Variants in RFX2 observed in about 807,000 individuals in gnomAD.
RFX2 encodes DNA-binding protein RFX2.
RFX2 carries 20 observed loss-of-function variants against 87.8 expected under a neutral mutation model. The ratio of observed to expected loss-of-function variants is 0.23; its 90% CI spans 0.16 to 0.33. RFX2 has a LOEUF of 0.33. Among genes scored for constraint, RFX2 ranks in the 10% least tolerant of loss-of-function variants. The probability of loss-of-function intolerance (pLI) is 1.00; values close to 1 mark genes in which losing one functional copy is unlikely to be tolerated. For synonymous variants in RFX2, 397 were observed against 431.3 expected (o/e 0.92, Z 0.98); for missense variants, 767 against 1,012.3 (o/e 0.76, Z 3.29).
rs1323854114 is a variant in RFX2, at chr19:5,999,496, C to T, written c.1860-2283G>A. Among the ~76,000 whole-genome samples, 1 of 152,144 alleles carries T rather than the reference C, an allele frequency of 6.6e-6. No homozygotes were observed. Among genetic ancestry groups the T allele is most frequent in the Non-Finnish European group, 1.5e-5 (1 of 68,032 alleles). ...CGCTGTCTCTTCCCTTGCTCTTCCT[C>T]CCTCATTATCCCAGTGTGGCTTTAT... On this transcript the variant is annotated intron_variant, in intron 15 of 17. Transcript: ENST00000303657. The surrounding 1 kb of genome is among the most constrained non-coding windows in gnomAD (Gnocchi z 4.1).
rs1335790076 is a variant in RFX2 at position 6,063,846 on chromosome 19, C to A, written c.-8-16342G>T. On this transcript the variant is annotated intron_variant, in intron 1 of 17. Transcript: ENST00000303657. The surrounding 1 kb of genome is among the most constrained non-coding windows in gnomAD (Gnocchi z 4.0). ...CCCCCCGACCCCTGTCTGACAGCCA[C>A]AAATGTCTCCAGACATCGCCCAGTG... is the stretch of plus-strand genomic sequence containing the variant. 6.6e-6 allele frequency among the ~76,000 whole-genome samples: 1 copy of A among 152,242 alleles called. No individual in the cohort carries two copies. The highest frequency in any genetic ancestry group is 2.4e-5 in the African/African-American group (1 of 41,470).
Position 6,004,162 on chromosome 19 carries a change from A to G in RFX2, c.1500+39T>C. 6.7e-7 allele frequency: 1 copy of G among 1,492,190 alleles called. No individual in the cohort carries two copies. Among genetic ancestry groups the G allele is most frequent in the Non-Finnish European group, 9.4e-7 (1 of 1,068,894 alleles). 92.4% of individuals were successfully genotyped at this position (1,492,190 alleles called of 1,614,324 possible). The stretch of plus-strand genomic sequence containing the variant: ...GCTGTCCTGGACTGGAGCCCCTCCC[A>G]GCCATCGTTGGGGAGCCCAGGCCCC... On this transcript the variant is annotated intron_variant, in intron 13 of 17. Coordinates refer to ENST00000303657, the MANE Select transcript of RFX2 (RefSeq NM_000635.4). The surrounding 1 kb of genome is among the most constrained non-coding windows in gnomAD (Gnocchi z 4.8).
intron 12 of RFX2, 46 bp downstream of exon 12, chr19:6,006,966 G>A: frequency 6.2e-7 from 1 of 1,600,050 alleles, no homozygotes; most frequent in East Asian, 2.2e-5. Flanking sequence ...AGAGGAGGCA[G>A]GAAGAGAGGA....
chr19:6,080,024 G>GC (rs2087756517), intron 1 of RFX2, among the ~76,000 whole-genome samples: 2 of 151,592 alleles, frequency 1.3e-5, no homozygotes, highest in Non-Finnish European at 2.9e-5. Flanking sequence ...TGAGTGCCCA[G>GC]CCCCATTCTA....
chr19:6,008,033 G>T (rs1327750895), intron 10 of RFX2, 73 bp downstream of exon 10: 1 of 1,143,028 alleles, frequency 8.7e-7, no homozygotes, highest in African/African-American at 1.5e-5. Flanking sequence ...GTCACCCGGG[G>T]ACGCCTGGCC....
chr19:6,098,222 C>A (rs16993372), intron 1 of RFX2, among the ~76,000 whole-genome samples: 19,073 of 152,028 alleles, frequency 0.13, 3,777 homozygotes, highest in African/African-American at 0.42. Flanking sequence ...TTTGCTACCC[C>A]TGAAGTTTAT....
intron 1 of RFX2, among the ~76,000 whole-genome samples, chr19:6,059,653 G>T (rs2087399297): frequency 6.6e-6 from 1 of 152,128 alleles, no homozygotes; most frequent in African/African-American, 2.4e-5. Flanking sequence ...GAGTGGACAT[G>T]AGAGTGTCAC....
At position 6,010,433 on chromosome 19, in the gene RFX2, T is replaced by C. The variant is rs1391522957; in HGVS notation, c.900-182A>G. Among the ~76,000 whole-genome samples, 4 of 152,230 alleles carry C rather than the reference T, an allele frequency of 2.6e-5. No individual in the cohort carries two copies. The highest frequency in any genetic ancestry group is 9.7e-5 in the African/African-American group (4 of 41,448). Reference sequence around the variant, plus strand: ...ATCTTGAGTGCACAGCTCAGCAGCATTAAGCACATTCACTGGTTGTGCAAC... The same window carrying C: ...ATCTTGAGTGCACAGCTCAGCAGCACTAAGCACATTCACTGGTTGTGCAAC... On this transcript the variant is annotated intron_variant, in intron 8 of 17. Coordinates refer to ENST00000303657, the MANE Select transcript of RFX2 (RefSeq NM_000635.4). This position sits in a 1 kb window ranked among gnomAD's most constrained non-coding sequence, Gnocchi z 5.0.
chr19:6,042,206 A>G, intron 3 of RFX2, 83 bp from the exon 4 acceptor site: 1 of 1,211,298 alleles, frequency 8.3e-7, no homozygotes, highest in Non-Finnish European at 1.2e-6. Flanking sequence ...CGTGTCTTCT[A>G]TTGCCTTTAT....
At chr19:6,032,726 T>G (rs2086967931) in intron 5 of RFX2, among the ~76,000 whole-genome samples, 1 of 152,248 alleles carries the variant, frequency 6.6e-6, no homozygotes, top group African/African-American at 2.4e-5. Flanking sequence ...CAGTCTCTAT[T>G]TAGTTCTGCA....
At chr19:6,070,384 AG>A in intron 1 of RFX2, among the ~76,000 whole-genome samples, 1 of 152,032 alleles carries the variant, frequency 6.6e-6, no homozygotes, top group South Asian at 2.1e-4. Context: ...GTCCTTCTGG[AG>A]GGGGGTCCTG....
Position 6,026,081 on chromosome 19 carries a change from G to C in RFX2, c.597+82C>G, listed in dbSNP as rs1025956440. 3 of 1,206,728 alleles carry C rather than the reference G, an allele frequency of 2.5e-6. No individual in the cohort carries two copies. The highest frequency in any genetic ancestry group is 3.0e-5 in the African/African-American group (2 of 65,994). 74.8% of individuals were successfully genotyped at this position (1,206,728 alleles called of 1,614,324 possible). On this transcript the variant is annotated intron_variant, in intron 6 of 17. Coordinates refer to ENST00000303657, the MANE Select transcript of RFX2 (RefSeq NM_000635.4). The surrounding 1 kb of genome is among the most constrained non-coding windows in gnomAD (Gnocchi z 4.5). ...ATTACAGGTGTGAGCCACCGCACCT[G>C]GTTGCCTTCATTTGTCTTAAAAATG...
intron 1 of RFX2, among the ~76,000 whole-genome samples, chr19:6,108,720 A>G (rs1193654953): frequency 6.6e-6 from 1 of 152,142 alleles, no homozygotes; most frequent in Non-Finnish European, 1.5e-5. Context: ...GGCGGGGGTA[A>G]GGCAGCCAGC....
At chr19:6,059,704 T>C (rs1410100156) in intron 1 of RFX2, among the ~76,000 whole-genome samples, 1 of 151,952 alleles carries the variant, frequency 6.6e-6, no homozygotes, top group Non-Finnish European at 1.5e-5. Context: ...CGTATGCATA[T>C]ACACAAATAT....
intron 9 of RFX2, 56 bp from the exon 10 acceptor site, chr19:6,008,280 C>CAACT (rs1378962214): frequency 1.7e-6 from 2 of 1,166,928 alleles, no homozygotes; most frequent in Admixed American, 2.6e-5. Context: ...ACACCGTGGA[C>CAACT]AACTGGAAGG....
At chr19:6,102,691 G>A (rs2088145840) in intron 1 of RFX2, among the ~76,000 whole-genome samples, 1 of 152,148 alleles carries the variant, frequency 6.6e-6, no homozygotes, top group South Asian at 2.1e-4. Flanking sequence ...ACCCCACAGC[G>A]CTGGTTCCCT....
chr19:6,033,243 C>T (rs2086973461), intron 5 of RFX2, among the ~76,000 whole-genome samples: 2 of 152,200 alleles, frequency 1.3e-5, no homozygotes, highest in South Asian at 4.1e-4. Context: ...TAATGTCCTT[C>T]CTCTGGACCA....
chr19:6,006,963 G>A, intron 12 of RFX2, 49 bp downstream of exon 12: 1 of 1,595,164 alleles, frequency 6.3e-7, no homozygotes, highest in South Asian at 1.1e-5. Flanking sequence ...GACAGAGGAG[G>A]CAGGAAGAGA....
intron 1 of RFX2, among the ~76,000 whole-genome samples, chr19:6,093,049 C>T (rs73549970): frequency 0.02 from 3,060 of 152,134 alleles, 119 homozygotes; most frequent in African/African-American, 0.071. Flanking sequence ...TGGAAAGTCA[C>T]CTTTATAGTA....
Sources: gnomAD v4.1 joint callset for allele counts (sites outside exome capture counted in the v4.1 genomes callset) on GRCh38, gnomAD v4.1.1 for gene constraint, Gnocchi (gnomAD v3.1) non-coding constraint, MANE v1.5 for transcripts, NCBI Gene and HGNC (gene_info 2026-07-23, HGNC 2026-07-21) for gene names.